Variants in MAF observed in about 807,000 individuals in gnomAD.
MAF encodes MAF bZIP transcription factor, also known as transcription factor Maf.
A neutral mutation model predicts 22.0 loss-of-function variants in MAF; 10 were observed. The observed-to-expected ratio is 0.45, with a 90% CI of 0.28 to 0.77. The LOEUF (loss-of-function observed/expected upper bound fraction) is 0.77. Among genes scored for constraint, MAF ranks in the 30% least tolerant of loss-of-function variants. The pLI is 0.12. For synonymous variants in MAF, 337 were observed against 255.8 expected, an observed-to-expected ratio of 1.32 and a Z score of -3.03; for missense variants, 544 against 548.4, an observed-to-expected ratio of 0.99 and a Z score of 0.08.
At chr16:79,248,855 T>A in the MAF span, among the ~76,000 whole-genome samples, 1 of 152,210 alleles carries the variant, frequency 6.6e-6, no homozygotes, top group Admixed American at 6.5e-5. Flanking sequence ...ACTTGGTTAG[T>A]CAATTTCATA....
At chr16:79,588,991 G>A (rs947755230), downstream of MAF, among the ~76,000 whole-genome samples, 7 of 152,152 alleles carry the variant, frequency 4.6e-5, no homozygotes, top group African/African-American at 1.7e-4. Context: ...TAAAAAATCT[G>A]ACAGTGTAAA....
Position 79,600,243 on chromosome 16 carries a change from G to T in MAF, c.-341C>A. The T allele has an allele frequency of 3.8e-6, 1 of 261,766 alleles. No individual in the cohort carries two copies. Among genetic ancestry groups the T allele is most frequent in the South Asian group, 9.7e-5 (1 of 10,336 alleles). The allele number at this position is 261,766 out of a possible 1,614,324, so 16.2% of individuals were successfully genotyped here. On this transcript the variant is annotated 5_prime_UTR_variant, in exon 1 of 2. Coordinates refer to ENST00000326043, the MANE Select transcript of MAF (RefSeq NM_005360.5). ...GCGAGCTGCGGTGGCGGCGGTGGTG[G>T]CTGCGGCGGCGAAGCTGGAGGAGCC...
chr16:79,438,637 G>A, the MAF span, among the ~76,000 whole-genome samples: 1 of 152,142 alleles, frequency 6.6e-6, no homozygotes, highest in African/African-American at 2.4e-5. Flanking sequence ...AGCTCAGAGA[G>A]GGCGGATCAG....
chr16:79,449,867 C>T, the MAF span, among the ~76,000 whole-genome samples: 4 of 152,228 alleles, frequency 2.6e-5, no homozygotes, highest in African/African-American at 9.6e-5. Context: ...CCCTTTCCCG[C>T]TCCTCACCCC....
At chr16:79,441,744 G>C in the MAF span, among the ~76,000 whole-genome samples, 2 of 152,192 alleles carry the variant, frequency 1.3e-5, no homozygotes, top group African/African-American at 4.8e-5. Flanking sequence ...AGATGTTTTG[G>C]GGGGTTCGGT....
chr16:79,248,363 C>T, the MAF span, among the ~76,000 whole-genome samples: 6 of 152,202 alleles, frequency 3.9e-5, no homozygotes, highest in East Asian at 1.9e-4. Context: ...TTCAGACATC[C>T]GAAGCTCTCC....
chr16:79,517,028 A>C, the MAF span, among the ~76,000 whole-genome samples: 1 of 149,238 alleles, frequency 6.7e-6, no homozygotes, highest in East Asian at 2.0e-4. Flanking sequence ...AAGTTTTTTT[A>C]TTTTTTTTTT....
the MAF span, among the ~76,000 whole-genome samples, chr16:79,341,512 T>C: frequency 6.6e-6 from 1 of 152,250 alleles, no homozygotes; most frequent in South Asian, 2.1e-4. Flanking sequence ...TTAGCCACAG[T>C]GGAATATTTA....
At chr16:79,332,502 G>A in the MAF span, among the ~76,000 whole-genome samples, 2 of 152,194 alleles carry the variant, frequency 1.3e-5, no homozygotes, top group African/African-American at 2.4e-5. Flanking sequence ...GTTTCGCCAT[G>A]TTGGCCAGGC....
At chr16:79,413,191 G>C in the MAF span, among the ~76,000 whole-genome samples, 7 of 130,630 alleles carry the variant, frequency 5.4e-5, no homozygotes, top group African/African-American at 2.1e-4. Context: ...TTCCAGCTCT[G>C]CTACTTGTGA....
chr16:79,511,306 GA>G, the MAF span, among the ~76,000 whole-genome samples: 1 of 152,232 alleles, frequency 6.6e-6, no homozygotes, highest in East Asian at 1.9e-4. Context: ...TCATAGCCAA[GA>G]GAATGTATTT....
At chr16:79,246,545 G>GGT in the MAF span, among the ~76,000 whole-genome samples, 5 of 138,294 alleles carry the variant, frequency 3.6e-5, no homozygotes, top group African/African-American at 1.1e-4. Context: ...TTTTTTGGGG[G>GGT]GGGTGTGGGG....
At chr16:79,318,266 G>A in the MAF span, among the ~76,000 whole-genome samples, 1 of 152,148 alleles carries the variant, frequency 6.6e-6, no homozygotes, top group Admixed American at 6.5e-5. Context: ...GCACTGCAGG[G>A]CTCTGCTTGA....
chr16:79,439,259 T>A, the MAF span, among the ~76,000 whole-genome samples: 3 of 133,936 alleles, frequency 2.2e-5, no homozygotes, highest in Admixed American at 1.6e-4. Context: ...GGTACTTACT[T>A]TTTTTTTTTT....
chr16:79,310,583 G>T, the MAF span, among the ~76,000 whole-genome samples: 4 of 152,164 alleles, frequency 2.6e-5, no homozygotes, highest in Non-Finnish European at 2.9e-5. Flanking sequence ...CCACCGAGTG[G>T]GTTGAAACAA....
the MAF span, among the ~76,000 whole-genome samples, chr16:79,568,156 T>G: frequency 1.3e-5 from 2 of 152,298 alleles, no homozygotes; most frequent in South Asian, 4.2e-4. Context: ...GTCGCTAAAA[T>G]CCATTTTGCA....
chr16:79,583,365 GA>G (rs1029827212), downstream of MAF, among the ~76,000 whole-genome samples: 3 of 152,084 alleles, frequency 2.0e-5, no homozygotes, highest in African/African-American at 4.8e-5. Context: ...TGTAAGACTA[GA>G]AAAAAAATAT....
Position 79,599,869 on chromosome 16 carries a change from G to A in MAF, c.34C>T (p.Leu12=), listed in dbSNP as rs2143819879. The A allele has an allele frequency of 6.2e-7, 1 of 1,607,422 alleles. No individual in the cohort carries two copies. Among genetic ancestry groups the A allele is most frequent in the Non-Finnish European group, 8.5e-7 (1 of 1,179,832 alleles). ...TCCATGGCCAGGGGACTGGTGGGCA[G>A]GTCGGAGTTGCTCATTGCCAGTTCT... ...ASELAMSNSD[L]PTSPLAMEYV... The change falls in exon 1 of 2, where the codon CTG becomes TTG. Residue 12 remains leucine (L), a synonymous_variant. Transcript: ENST00000326043.
chr16:79,246,710 G>A, the MAF span, among the ~76,000 whole-genome samples: 71 of 152,170 alleles, frequency 4.7e-4, no homozygotes, highest in Non-Finnish European at 8.7e-4. Context: ...CAGTCAATAT[G>A]TGGTAAATAA....
Sources: allele counts gnomAD v4.1 joint callset (sites outside exome capture counted in the v4.1 genomes callset), GRCh38; gene constraint gnomAD v4.1.1; transcripts MANE v1.5; gene names NCBI Gene and HGNC (gene_info 2026-07-23, HGNC 2026-07-21).